SCUBE2: variants seen among roughly 807,000 people sequenced by gnomAD.
The protein encoded by SCUBE2 is signal peptide, CUB domain and EGF like domain containing 2, also known as signal peptide, CUB and EGF-like domain-containing protein 2.
SCUBE2 carries 114 observed loss-of-function variants against 125.9 expected under a neutral mutation model. The ratio of observed to expected loss-of-function variants is 0.91; its 90% CI spans 0.78 to 1.06. The LOEUF is 1.06. Ranked by LOEUF, SCUBE2 falls within the 50% of genes least tolerant of loss-of-function variation. The pLI is 0.00. For missense variants in SCUBE2, 1,255 were observed against 1,301.8 expected, an observed-to-expected ratio of 0.96 and a Z score of 0.55; for synonymous variants, 459 against 492.9, an observed-to-expected ratio of 0.93 and a Z score of 0.91.
At chr11:9,025,990 C>A in intron 20 of SCUBE2, 136 bp from the exon 21 acceptor site, 1 of 894,174 alleles carries the variant, frequency 1.1e-6, no homozygotes, top group Non-Finnish European at 1.7e-6. Flanking sequence ...GCTGAGCCAT[C>A]ATAAGTCAAA....
chr11:9,049,267 A>G (rs902224466), intron 14 of SCUBE2, among the ~76,000 whole-genome samples: 24 of 152,306 alleles, frequency 1.6e-4, no homozygotes, highest in South Asian at 1.0e-3. Context: ...TTTTTGAGAC[A>G]GGGTCTCGCT....
intron 10 of SCUBE2, 55 bp from the exon 11 acceptor site, chr11:9,053,814 T>C: frequency 1.3e-6 from 2 of 1,586,720 alleles, no homozygotes; most frequent in Non-Finnish European, 1.7e-6. Context: ...TGGGCTGACA[T>C]GGTCCCTCCC....
chr11:9,053,215 T>C lies in SCUBE2; in HGVS notation c.1331A>G (p.Glu444Gly), dbSNP rs1742773104. Residue 444 changes from glutamate (E) to glycine (G), a missense_variant and splice_region_variant, in exon 12 of 23, where the codon GAA becomes GGA. Glu to Gly is a moderately conservative substitution (Grantham distance 98). Around this residue, in one of 3 missense-constraint regions of SCUBE2, gnomAD observed 378 missense variants for 463.1 expected, o/e 0.82. Transcript: ENST00000649792. ...KLHWNKKDCVEVKGLLPTSVS... is the reference protein window; with the variant it reads ...KLHWNKKDCVGVKGLLPTSVS... ...ACTTGTGGGCAGGAGCCCCTTCACT[T>C]CTAGACAGGACAAAACAGACACTTA... The C allele has an allele frequency of 6.2e-7, 1 of 1,612,412 alleles. No homozygotes were observed. The highest frequency in any genetic ancestry group is 1.3e-5 in the African/African-American group (1 of 74,852).
At chr11:9,054,276 T>C (rs919164396) in intron 10 of SCUBE2, among the ~76,000 whole-genome samples, 2 of 151,916 alleles carry the variant, frequency 1.3e-5, no homozygotes, top group South Asian at 4.2e-4. Flanking sequence ...GGATTACAGG[T>C]GTGAGCCACC....
In SCUBE2 at chr11:9,027,360, G is replaced by A. The variant is rs372943464; in HGVS notation, c.2701+4C>T. On this transcript the variant is annotated splice_donor_region_variant and intron_variant, in intron 20 of 22. Transcript: ENST00000649792. ...GAGAAAGGGAGGGAGGGAGTGAGAC[G>A]CACAGGTTTTCCGCATCACCAGATA... 97 of 1,613,536 alleles carry A rather than the reference G, an allele frequency of 6.0e-5. No individual in the cohort carries two copies. The highest frequency in any genetic ancestry group is 8.0e-5 in the African/African-American group (6 of 74,856).
At chr11:9,086,574 C>T (rs113748485) in intron 2 of SCUBE2, among the ~76,000 whole-genome samples, 2,732 of 151,544 alleles carry the variant, frequency 0.018, 83 homozygotes, top group African/African-American at 0.06. Flanking sequence ...ACATCCTGGC[C>T]GGGCGCAGTG....
intron 16 of SCUBE2, among the ~76,000 whole-genome samples, chr11:9,035,868 T>C (rs1856710693): frequency 6.6e-6 from 1 of 151,888 alleles, no homozygotes; most frequent in African/African-American, 2.4e-5. Context: ...AACATTCATG[T>C]ATCATTTAAA....
intron 19 of SCUBE2, among the ~76,000 whole-genome samples, chr11:9,028,142 C>T (rs1855956515): frequency 6.6e-6 from 1 of 152,142 alleles, no homozygotes; most frequent in Non-Finnish European, 1.5e-5. Context: ...CCCTTCACCT[C>T]CTGGGCTCAA....
intron 17 of SCUBE2, 152 bp downstream of exon 17, chr11:9,033,474 A>G (rs559701156): frequency 2.6e-6 from 2 of 782,028 alleles, no homozygotes; most frequent in East Asian, 4.9e-5. Flanking sequence ...TGACCTAGGC[A>G]CTGGTGAGCC....
chr11:9,074,170 T>C (rs1177800705), intron 4 of SCUBE2, among the ~76,000 whole-genome samples: 3 of 152,188 alleles, frequency 2.0e-5, no homozygotes, highest in Non-Finnish European at 4.4e-5. Flanking sequence ...TGGCAGATCA[T>C]CCACTATATT....
intron 3 of SCUBE2, 63 bp from the exon 4 acceptor site, chr11:9,074,678 C>A: frequency 6.3e-7 from 1 of 1,586,772 alleles, no homozygotes. Flanking sequence ...CCTCACCCAG[C>A]AGCTCAGGGG....
chr11:9,087,358 AAAG>A (rs1475979265), intron 2 of SCUBE2, among the ~76,000 whole-genome samples: 2 of 152,232 alleles, frequency 1.3e-5, no homozygotes, highest in Non-Finnish European at 2.9e-5. Flanking sequence ...TCCACATAGT[AAAG>A]AAGTGAACAT....
chr11:9,032,951 CA>C (rs1236010313), intron 17 of SCUBE2, among the ~76,000 whole-genome samples: 1 of 152,086 alleles, frequency 6.6e-6, no homozygotes, highest in Non-Finnish European at 1.5e-5. Flanking sequence ...GGAGTCACTC[CA>C]AGGACAGCCG....
At chr11:9,049,034 T>C (rs1416466829) in intron 14 of SCUBE2, among the ~76,000 whole-genome samples, 4 of 152,228 alleles carry the variant, frequency 2.6e-5, no homozygotes, top group African/African-American at 9.6e-5. Context: ...TTAAATCTTT[T>C]TCCCTTTCGA....
chr11:9,040,801 T>C (rs1857171187), intron 16 of SCUBE2, among the ~76,000 whole-genome samples: 1 of 152,158 alleles, frequency 6.6e-6, no homozygotes, highest in Non-Finnish European at 1.5e-5. Flanking sequence ...AACACGAGAT[T>C]TCATCACACC....
In SCUBE2 at chr11:9,021,178, G is replaced by GC; in HGVS notation, c.2953dup (p.Ala985GlyfsTer4). ...GGGATGGGCCAGGACATCAAACAGAGCCTTGATAAGTTTCTTATCCTAAAA... is the reference window on the plus strand; with the variant it reads ...GGGATGGGCCAGGACATCAAACAGAGCCCTTGATAAGTTTCTTATCCTAAAA... On this transcript the variant is annotated frameshift_variant, in exon 23 of 23. Coordinates refer to ENST00000649792, the MANE Select transcript of SCUBE2 (RefSeq NM_001367977.2). LOFTEE classifies it high-confidence loss of function. 6.3e-7 allele frequency: 1 copy of GC among 1,579,064 alleles called. No homozygotes were observed. The highest frequency in any genetic ancestry group is 8.6e-7 in the Non-Finnish European group (1 of 1,165,224).
intron 16 of SCUBE2, among the ~76,000 whole-genome samples, chr11:9,034,666 G>C (rs1005381644): frequency 2.6e-5 from 4 of 152,130 alleles, no homozygotes; most frequent in African/African-American, 9.7e-5. Context: ...TTACAAAATA[G>C]CACACTTCAG....
intron 10 of SCUBE2, among the ~76,000 whole-genome samples, chr11:9,054,721 ATATATTTTTTTTTTT>A (rs1441476658): frequency 1.9e-5 from 1 of 52,018 alleles, no homozygotes; most frequent in African/African-American, 9.3e-5. Flanking sequence ...ATATATATAT[ATATATTTTTTTTTTT>A]TTTTTTTTTT....
rs1260358744 is a variant in SCUBE2 at position 9,019,887 on chromosome 11, T to C, written c.*1158A>G. Among the ~76,000 whole-genome samples the C allele has an allele frequency of 6.6e-6, 1 of 152,186 alleles. No homozygotes were observed. The highest frequency in any genetic ancestry group is 1.5e-5 in the Non-Finnish European group (1 of 68,022). ...GCTTGGGGATTTAAATGTTTAAAGATTCAATAACACTGAAAATTCAAGTTC... is the reference window on the plus strand; with the variant it reads ...GCTTGGGGATTTAAATGTTTAAAGACTCAATAACACTGAAAATTCAAGTTC... On this transcript the variant is annotated 3_prime_UTR_variant, in exon 23 of 23. Coordinates refer to ENST00000649792, the MANE Select transcript of SCUBE2 (RefSeq NM_001367977.2).
Sources: gnomAD v4.1 joint callset for allele counts (sites outside exome capture counted in the v4.1 genomes callset) on GRCh38, gnomAD v4.1.1 for gene constraint, gnomAD v4.1.1 regional missense constraint, MANE v1.5 for transcripts, NCBI Gene and HGNC (gene_info 2026-07-23, HGNC 2026-07-21) for gene names.